The following MTA3 variants were observed in gnomAD, a reference collection of about 807,000 sequenced individuals.
MTA3 encodes metastasis-associated protein MTA3.
A neutral mutation model predicts 83.5 loss-of-function variants in MTA3; 34 were observed. The ratio of observed to expected loss-of-function variants is 0.41; its 90% CI spans 0.31 to 0.54. The LOEUF (loss-of-function observed/expected upper bound fraction) is 0.54, where lower values mean the gene tolerates loss of function less well. MTA3 is among the 20% of genes least tolerant of loss of function. The probability of loss-of-function intolerance (pLI) is 0.33; values close to 1 mark genes in which losing one functional copy is unlikely to be tolerated. For missense variants in MTA3, 761 were observed against 726.4 expected, an observed-to-expected ratio of 1.05 and a Z score of -0.55; for synonymous variants, 303 against 252.7, an observed-to-expected ratio of 1.20 and a Z score of -1.89.
In MTA3 at chr2:42,570,474, C is replaced by T; in HGVS notation, c.66C>T (p.Tyr22=). The change falls in exon 2 of 17, where the codon TAC becomes TAT. Residue 22 remains tyrosine (Y), a synonymous_variant. Coordinates refer to ENST00000405094, the MANE Select transcript of MTA3 (RefSeq NM_001330442.2). The part of the protein sequence containing the change: ...VYFENSSSNP[Y]LIRRIEELNK... ...TTGAGAATTCCTCCAGCAACCCATA[C>T]CTAATAAGAAGGATAGAAGAACTCA... 1 of 1,544,554 alleles carries T rather than the reference C, an allele frequency of 6.5e-7. No homozygotes were observed. Among genetic ancestry groups the T allele is most frequent in the East Asian group, 2.4e-5 (1 of 42,502 alleles).
At chr2:42,648,628 G>C (rs1178851173) in intron 6 of MTA3, among the ~76,000 whole-genome samples, 1 of 152,070 alleles carries the variant, frequency 6.6e-6, no homozygotes, top group Non-Finnish European at 1.5e-5. Flanking sequence ...ACAAACTCTA[G>C]AGATCTGAAA....
chr2:42,669,190 T>C (rs1690562665), intron 8 of MTA3, among the ~76,000 whole-genome samples: 1 of 151,578 alleles, frequency 6.6e-6, no homozygotes, highest in African/African-American at 2.4e-5. Context: ...GTTCAAGCGA[T>C]TCTCCTGCCT....
intron 7 of MTA3, among the ~76,000 whole-genome samples, chr2:42,658,318 A>G (rs772850459): frequency 6.6e-6 from 1 of 152,118 alleles, no homozygotes; most frequent in Non-Finnish European, 1.5e-5. Context: ...CTAAATATCT[A>G]TGCAGCAGAA....
intron 8 of MTA3, among the ~76,000 whole-genome samples, chr2:42,670,668 C>G (rs990098809): frequency 4.6e-5 from 7 of 151,904 alleles, no homozygotes; most frequent in African/African-American, 1.5e-4. Context: ...GCACAAGTGA[C>G]TGCTTTCTAG....
At chr2:42,575,002 T>C in intron 2 of MTA3, among the ~76,000 whole-genome samples, 1 of 152,360 alleles carries the variant, frequency 6.6e-6, no homozygotes, top group East Asian at 1.9e-4. Flanking sequence ...CTCTAAACTA[T>C]TTACCATATC....
chr2:42,648,255 C>T (rs1259923778), intron 6 of MTA3, among the ~76,000 whole-genome samples: 1 of 152,164 alleles, frequency 6.6e-6, no homozygotes, highest in Non-Finnish European at 1.5e-5. Context: ...ACAGAAACTC[C>T]CATATGTAGC....
chr2:42,663,202 C>G (rs1403600822), intron 8 of MTA3, among the ~76,000 whole-genome samples: 1 of 152,116 alleles, frequency 6.6e-6, no homozygotes, highest in Non-Finnish European at 1.5e-5. Flanking sequence ...TGCTTGAGTG[C>G]AAGTGGAAAA....
intron 3 of MTA3, among the ~76,000 whole-genome samples, chr2:42,598,231 A>G (rs900499670): frequency 7.2e-5 from 11 of 151,852 alleles, no homozygotes; most frequent in Admixed American, 3.9e-4. Flanking sequence ...ACACCCAGCT[A>G]ATTTTTTGTA....
At chr2:42,674,759 C>T (rs879709644) in intron 8 of MTA3, among the ~76,000 whole-genome samples, 5 of 151,396 alleles carry the variant, frequency 3.3e-5, no homozygotes, top group Admixed American at 6.6e-5. Flanking sequence ...CCACCATGCC[C>T]GGCTAATTTT....
At chr2:42,557,063 A>T (rs1484410640) in intron 2 of MTA3, among the ~76,000 whole-genome samples, 1 of 152,026 alleles carries the variant, frequency 6.6e-6, no homozygotes, top group Non-Finnish European at 1.5e-5. Flanking sequence ...AAATATATAT[A>T]CCTACTTTGT....
At chr2:42,548,882 T>TATATATA (rs1676934170) in intron 2 of MTA3, among the ~76,000 whole-genome samples, 1 of 58,790 alleles carries the variant, frequency 1.7e-5, no homozygotes, top group Non-Finnish European at 3.1e-5. Flanking sequence ...ATATAATATA[T>TATATATA]ATATATATAT....
At position 42,644,039 on chromosome 2, in the gene MTA3, A is replaced by G. The variant is rs944874189; in HGVS notation, c.382-88A>G. ...AAATTTTATATACTCTCTGGGGTTTATATGTTCATTGTAGCAACATTGATT... is the reference window on the plus strand; with the variant it reads ...AAATTTTATATACTCTCTGGGGTTTGTATGTTCATTGTAGCAACATTGATT... On this transcript the variant is annotated intron_variant, in intron 5 of 16. Coordinates refer to ENST00000405094, the MANE Select transcript of MTA3 (RefSeq NM_001330442.2). 2.4e-5 allele frequency: 18 copies of G among 743,586 alleles called. No homozygotes were observed. In the East Asian group the frequency reaches 2.9e-4, roughly 12 times the overall value. The allele number at this position is 743,586 out of a possible 1,614,324, so 46.1% of individuals were successfully genotyped here.
intron 9 of MTA3, among the ~76,000 whole-genome samples, chr2:42,690,940 G>T (rs995308302): frequency 6.7e-6 from 1 of 149,312 alleles, no homozygotes; most frequent in Non-Finnish European, 1.5e-5. Context: ...GCAGTGGCGC[G>T]ATCTCTGCTT....
chr2:42,645,580 T>C (rs554045353), intron 6 of MTA3, among the ~76,000 whole-genome samples: 90 of 152,254 alleles, frequency 5.9e-4, no homozygotes, highest in African/African-American at 2.1e-3. Context: ...ACTGCTTTAC[T>C]GCTGATACCA....
In MTA3 at chr2:42,664,466, C is replaced by CTTTTTTTTTTTTTTTTT. The variant is rs35633597; in HGVS notation, c.702+4616_702+4632dup. On this transcript the variant is annotated intron_variant, in intron 8 of 16. Transcript: ENST00000405094. ...CCTACTACCCCCTCACCCCGCTTAC[C>CTTTTTTTTTTTTTTTTT]TTTTTTTTTTTTTTTTTTTTTTTTT... Among the ~76,000 whole-genome samples, 63 of 85,758 alleles carry CTTTTTTTTTTTTTTTTT rather than the reference C, an allele frequency of 7.3e-4. 26 individuals carry two copies. The highest frequency in any genetic ancestry group is 1.5e-3 in the African/African-American group (32 of 21,052). 56.3% of individuals were successfully genotyped at this position (85,758 alleles called of 152,430 possible).
rs796892397 is a variant in MTA3, at chr2:42,711,785, T to A, written c.1525+2689T>A. Among the ~76,000 whole-genome samples the A allele has an allele frequency of 1.2e-3, 173 of 147,686 alleles. 1 individual carries two copies. Among genetic ancestry groups the A allele is most frequent in the East Asian group, 5.8e-3 (29 of 5,038 alleles). On this transcript the variant is annotated intron_variant, in intron 14 of 16. Transcript: ENST00000405094. Reference sequence around the variant, plus strand: ...GGGAGTGTATAGGAGAGAGAGAGAGTGTGTGTGTGTGTGTGTGTGTGTGTG... The same window carrying A: ...GGGAGTGTATAGGAGAGAGAGAGAGAGTGTGTGTGTGTGTGTGTGTGTGTG...
intron 4 of MTA3, among the ~76,000 whole-genome samples, chr2:42,631,356 A>G (rs1373214965): frequency 6.6e-6 from 1 of 152,228 alleles, no homozygotes; most frequent in Non-Finnish European, 1.5e-5. Flanking sequence ...ATGTGTGTTT[A>G]TACTATATAA....
chr2:42,704,429 C>T, intron 12 of MTA3, 111 bp downstream of exon 12: 1 of 1,285,998 alleles, frequency 7.8e-7, no homozygotes, highest in Middle Eastern at 2.6e-4. Context: ...AAGGCACAAG[C>T]ATGTCTCCTC....
intron 3 of MTA3, chr2:42,581,788 C>T (rs190657137): frequency 1.1e-4 from 33 of 287,114 alleles, no homozygotes; most frequent in African/African-American, 4.4e-4. Flanking sequence ...TATTTAGAGA[C>T]GGAGTTTCGC....
Sources: gnomAD v4.1 joint callset for allele counts (sites outside exome capture counted in the v4.1 genomes callset) on GRCh38, gnomAD v4.1.1 for gene constraint, MANE v1.5 for transcripts, NCBI Gene and HGNC (gene_info 2026-07-23, HGNC 2026-07-21) for gene names.